LHFPL3: variants seen among roughly 807,000 people sequenced by gnomAD.
The protein encoded by LHFPL3 is LHFPL tetraspan subfamily member 3 protein.
In LHFPL3, 5 loss-of-function variants were observed where a neutral mutation model predicts 19.3. The observed-to-expected ratio is 0.26, with a 90% confidence interval of 0.14 to 0.54. The LOEUF is 0.54. Among genes scored for constraint, LHFPL3 ranks in the 20% least tolerant of loss-of-function variants. The pLI is 0.94. For missense variants in LHFPL3, 249 were observed against 307.4 expected (o/e 0.81, Z 1.42); for synonymous variants, 133 against 126.2 (o/e 1.05, Z -0.36).
At chr7:104,519,185 G>A (rs565390709) in intron 1 of LHFPL3, among the ~76,000 whole-genome samples, 11 of 152,110 alleles carry the variant, frequency 7.2e-5, no homozygotes, top group African/African-American at 2.7e-4. Flanking sequence ...AGATTTCCTG[G>A]AAATAACAAC....
At chr7:104,595,344 C>G (rs538678063) in intron 1 of LHFPL3, among the ~76,000 whole-genome samples, 4 of 152,112 alleles carry the variant, frequency 2.6e-5, no homozygotes. Flanking sequence ...CACTCCAGAC[C>G]CTGTTTGCCT....
intron 1 of LHFPL3, among the ~76,000 whole-genome samples, chr7:104,639,805 C>T (rs74954841): frequency 8.0e-4 from 122 of 152,192 alleles, no homozygotes; most frequent in Non-Finnish European, 1.5e-3. Context: ...TTTGAATTAA[C>T]ATATATAAAG....
At chr7:104,475,492 C>G (rs148423340) in intron 1 of LHFPL3, among the ~76,000 whole-genome samples, 1 of 152,066 alleles carries the variant, frequency 6.6e-6, no homozygotes, top group Admixed American at 6.5e-5. Flanking sequence ...TAGAGTTTCA[C>G]ACTTATAAGA....
At chr7:104,818,392 A>G (rs888291052) in intron 2 of LHFPL3, among the ~76,000 whole-genome samples, 5 of 151,856 alleles carry the variant, frequency 3.3e-5, no homozygotes, top group Non-Finnish European at 7.4e-5. Flanking sequence ...CTCATTAAAA[A>G]AAAAAAAAAA....
chr7:104,789,334 C>A (rs1789979276), intron 2 of LHFPL3, among the ~76,000 whole-genome samples: 1 of 152,136 alleles, frequency 6.6e-6, no homozygotes, highest in Admixed American at 6.5e-5. Flanking sequence ...CTAACTCAGT[C>A]TTGGGGACAG....
chr7:104,489,121 C>T lies in LHFPL3; in HGVS notation c.445+159897C>T, dbSNP rs1472873367. Among the ~76,000 whole-genome samples, 5 of 32,086 alleles carry T rather than the reference C, an allele frequency of 1.6e-4. 1 individual carries two copies. The highest frequency in any genetic ancestry group is 2.7e-4 in the Admixed American group (1 of 3,688). The allele number at this position is 32,086 out of a possible 152,430, so 21.0% of individuals were successfully genotyped here. On this transcript the variant is annotated intron_variant, in intron 1 of 2. Coordinates refer to ENST00000424859, the MANE Select transcript of LHFPL3 (RefSeq NM_199000.3). ...TTTTTGAGACGGAGTCTCGCTCTGTCGCCCAGGCTGGAGTGCAGTGGCGGG... is the reference window on the plus strand; with the variant it reads ...TTTTTGAGACGGAGTCTCGCTCTGTTGCCCAGGCTGGAGTGCAGTGGCGGG...
At position 104,792,081 on chromosome 7, in the gene LHFPL3, C is replaced by T. The variant is rs149941447; in HGVS notation, c.682+55170C>T. Among the ~76,000 whole-genome samples the T allele has an allele frequency of 7.6e-3, 1,150 of 152,218 alleles. 14 individuals carry two copies. The highest frequency in any genetic ancestry group is 0.026 in the African/African-American group (1,089 of 41,548). ...GAAAGAAAAGCATCACATTCTCATT[C>T]GAAATCAAAGGTACAGAGATTTCCT... On this transcript the variant is annotated intron_variant, in intron 2 of 2. Coordinates refer to ENST00000424859, the MANE Select transcript of LHFPL3 (RefSeq NM_199000.3).
intron 1 of LHFPL3, among the ~76,000 whole-genome samples, chr7:104,593,691 T>A (rs1562944674): frequency 6.6e-6 from 1 of 152,176 alleles, no homozygotes; most frequent in Non-Finnish European, 1.5e-5. Flanking sequence ...TTTGTAGGTC[T>A]CTAAGGACTT....
intron 1 of LHFPL3, chr7:104,668,868 TAGA>T: frequency 1.2e-6 from 2 of 1,611,938 alleles, no homozygotes; most frequent in South Asian, 2.2e-5. Context: ...GAAAGAGAAG[TAGA>T]AGAACGGCTA....
intron 2 of LHFPL3, among the ~76,000 whole-genome samples, chr7:104,855,072 GA>G (rs1023552555): frequency 2.6e-5 from 4 of 152,124 alleles, no homozygotes; most frequent in African/African-American, 9.7e-5. Flanking sequence ...TTTGCAAATT[GA>G]AAAAACTTCA....
chr7:104,584,695 C>T (rs1390482007), intron 1 of LHFPL3, among the ~76,000 whole-genome samples: 1 of 151,880 alleles, frequency 6.6e-6, no homozygotes, highest in Admixed American at 6.6e-5. Context: ...ATAGTTAGAA[C>T]GAATGCATTT....
intron 1 of LHFPL3, among the ~76,000 whole-genome samples, chr7:104,688,543 T>C (rs1792847054): frequency 6.7e-6 from 1 of 149,102 alleles, no homozygotes. Context: ...AGAGACTTTT[T>C]TGCCAGAGGA....
chr7:104,563,331 G>A (rs535815926), intron 1 of LHFPL3, among the ~76,000 whole-genome samples: 16 of 152,410 alleles, frequency 1.0e-4, no homozygotes, highest in African/African-American at 3.6e-4. Context: ...AGCAATCAGC[G>A]AGACTCCGTG....
At chr7:104,720,012 G>T (rs988483778) in intron 1 of LHFPL3, among the ~76,000 whole-genome samples, 1 of 152,094 alleles carries the variant, frequency 6.6e-6, no homozygotes, top group Non-Finnish European at 1.5e-5. Flanking sequence ...GAGGAAGATG[G>T]GAACCAAAAT....
chr7:104,824,154 A>ATATATATATATTATATATTATATATAT (rs759743157), intron 2 of LHFPL3, among the ~76,000 whole-genome samples: 4 of 14,474 alleles, frequency 2.8e-4, no homozygotes, highest in African/African-American at 1.2e-3. Context: ...GTTTCAAAAA[A>ATATATATATATTATATATTATATATAT]AATATATATA....
chr7:104,407,520 G>T (rs925806052), intron 1 of LHFPL3, among the ~76,000 whole-genome samples: 1 of 152,148 alleles, frequency 6.6e-6, no homozygotes, highest in Non-Finnish European at 1.5e-5. Flanking sequence ...GCCAGGCATG[G>T]TGGTGCATGC....
At chr7:104,855,484 T>G (rs1791485467) in intron 2 of LHFPL3, among the ~76,000 whole-genome samples, 2 of 152,208 alleles carry the variant, frequency 1.3e-5, no homozygotes, top group South Asian at 4.1e-4. Flanking sequence ...GAATATTTCT[T>G]CCTTTCATCC....
chr7:104,754,201 T>C lies in LHFPL3; in HGVS notation c.682+17290T>C, dbSNP rs75654308. On this transcript the variant is annotated intron_variant, in intron 2 of 2. Coordinates refer to ENST00000424859, the MANE Select transcript of LHFPL3 (RefSeq NM_199000.3). The stretch of plus-strand genomic sequence containing the variant: ...TTAAATGAACACATAGCGAAGTGTA[T>C]GGATCTTAAAAACAGAATGCTTAAT... Among the ~76,000 whole-genome samples the C allele has an allele frequency of 4.6e-3, 697 of 152,198 alleles. 31 individuals are homozygous for C. The East Asian group carries it at 0.1, about 22-fold the overall frequency.
At chr7:104,420,851 C>T (rs967289208) in intron 1 of LHFPL3, among the ~76,000 whole-genome samples, 3 of 151,498 alleles carry the variant, frequency 2.0e-5, no homozygotes, top group Non-Finnish European at 4.4e-5. Flanking sequence ...CGTGAGCCAC[C>T]GCGCCCGGCC....
Sources: allele counts gnomAD v4.1 joint callset (sites outside exome capture counted in the v4.1 genomes callset), GRCh38; gene constraint gnomAD v4.1.1; transcripts MANE v1.5; gene names NCBI Gene and HGNC (gene_info 2026-07-23, HGNC 2026-07-21).